The following POLR1A variants were observed in gnomAD, a reference collection of about 807,000 sequenced individuals.
POLR1A encodes the protein DNA-directed RNA polymerase I subunit RPA1.
In POLR1A, 84 loss-of-function variants were observed where a neutral mutation model predicts 205.3. The ratio of observed to expected loss-of-function variants is 0.41; its 90% CI spans 0.34 to 0.49. The LOEUF is 0.49. Among genes scored for constraint, POLR1A ranks in the 20% least tolerant of loss-of-function variants. The probability of loss-of-function intolerance (pLI) is 0.22; values close to 1 mark genes in which losing one functional copy is unlikely to be tolerated. For synonymous variants in POLR1A, 799 were observed against 863.7 expected, an observed-to-expected ratio of 0.93 and a Z score of 1.31; for missense variants, 1,645 against 2,204.5, an observed-to-expected ratio of 0.75 and a Z score of 5.08.
chr2:86,040,943 T>G (rs1176912721), intron 24 of POLR1A, among the ~76,000 whole-genome samples: 1 of 152,208 alleles, frequency 6.6e-6, no homozygotes, highest in Non-Finnish European at 1.5e-5. Flanking sequence ...TGGAGACAGT[T>G]TAAACCTCCT....
At chr2:86,060,748 C>T (rs1195020721) in intron 14 of POLR1A, among the ~76,000 whole-genome samples, 1 of 152,138 alleles carries the variant, frequency 6.6e-6, no homozygotes, top group Non-Finnish European at 1.5e-5. Flanking sequence ...TAGACGATAA[C>T]AGAGGGGAAT....
rs552233536 is a variant in POLR1A at position 86,052,802 on chromosome 2, G to A, written c.2392+15C>T. The A allele has an allele frequency of 1.3e-5, 20 of 1,490,432 alleles. No individual in the cohort carries two copies. Among genetic ancestry groups the A allele is most frequent in the Admixed American group, 4.5e-5 (2 of 44,914 alleles). 92.3% of individuals were successfully genotyped at this position (1,490,432 alleles called of 1,614,324 possible). ...TGACGGGTCACTGCCCCAGGGCAGCGAGCCCGGCACTTACCCAAGGTGAAG... is the reference window on the plus strand; with the variant it reads ...TGACGGGTCACTGCCCCAGGGCAGCAAGCCCGGCACTTACCCAAGGTGAAG... On this transcript the variant is annotated intron_variant, in intron 16 of 33. Coordinates refer to ENST00000263857, the MANE Select transcript of POLR1A (RefSeq NM_015425.6).
chr2:86,103,689 T>C (rs935552491), intron 1 of POLR1A, among the ~76,000 whole-genome samples: 3 of 152,336 alleles, frequency 2.0e-5, no homozygotes, highest in South Asian at 2.1e-4. Flanking sequence ...CATCCATTTA[T>C]TCAGACTTGA....
chr2:86,031,610 T>A lies in POLR1A; in HGVS notation c.4298A>T (p.Glu1433Val), dbSNP rs748613233. Reference protein sequence around the residue: ...EEVDYESEEEEEREGEENDDE... With the variant: ...EEVDYESEEEVEREGEENDDE... ...GTCGTTCTCCTCGCCCTCCCTCTCC[T>A]CCTCTTCCTCACTCTCATAATCAAC... The change falls in exon 30 of 34, where the codon GAG (glutamate) becomes GTG (valine). Residue 1433 changes from glutamate (E) to valine (V), a missense_variant. Around this residue, in one of 16 missense-constraint regions of POLR1A, gnomAD observed 394 missense variants for 468.5 expected, o/e 0.84. Coordinates refer to ENST00000263857, the MANE Select transcript of POLR1A (RefSeq NM_015425.6). 8 of 1,612,520 alleles carry A rather than the reference T, an allele frequency of 5.0e-6. No individual in the cohort carries two copies. The South Asian group carries it at 8.8e-5, about 18-fold the overall frequency.
chr2:86,079,505 A>G (rs1673357374), intron 9 of POLR1A, among the ~76,000 whole-genome samples: 1 of 152,142 alleles, frequency 6.6e-6, no homozygotes, highest in Admixed American at 6.5e-5. Context: ...GAATCAGAGG[A>G]TGCTATTTGC....
chr2:86,081,010 T>G (rs1262935351), intron 8 of POLR1A, 32 bp from the exon 9 acceptor site: 1 of 1,583,932 alleles, frequency 6.3e-7, no homozygotes, highest in East Asian at 2.2e-5. Context: ...AAATGAATGT[T>G]TAGTGTGAGG....
At chr2:86,093,606 T>TCTC (rs1673647937) in intron 3 of POLR1A, among the ~76,000 whole-genome samples, 1 of 152,118 alleles carries the variant, frequency 6.6e-6, no homozygotes, top group Admixed American at 6.6e-5. Flanking sequence ...GCCAGGTGGA[T>TCTC]CGCTTGAGGT....
In POLR1A at chr2:86,021,121, G is replaced by T. The variant is rs1349386051; in HGVS notation, c.*6302C>A. ...ACATCAGGTTCATGTTTCCAAGCAA[G>T]AATCATGGGTTGGGGAAGGCAAGTG... On this transcript the variant is annotated 3_prime_UTR_variant, in exon 34 of 34. Transcript: ENST00000263857. The T allele has an allele frequency of 6.6e-6, 1 of 152,236 alleles. No homozygotes were observed. Among genetic ancestry groups the T allele is most frequent in the African/African-American group, 2.4e-5 (1 of 41,450 alleles). 9.4% of individuals were successfully genotyped at this position (152,236 alleles called of 1,614,324 possible).
Position 86,046,903 on chromosome 2 carries a change from T to C in POLR1A, c.2733+262A>G, listed in dbSNP as rs184361459. On this transcript the variant is annotated intron_variant, in intron 19 of 33. Coordinates refer to ENST00000263857, the MANE Select transcript of POLR1A (RefSeq NM_015425.6). ...ATTGTGTGAGTATACATAATTTATC[T>C]ATATAACGTGAATATATGTAATAGT... Among the ~76,000 whole-genome samples, 16 of 152,342 alleles carry C rather than the reference T, an allele frequency of 1.1e-4. No homozygotes were observed. The East Asian group carries it at 2.9e-3, about 27-fold the overall frequency.
intron 2 of POLR1A, among the ~76,000 whole-genome samples, 183 bp from the exon 3 acceptor site, chr2:86,098,943 T>A (rs1396883340): frequency 6.6e-6 from 1 of 152,190 alleles, no homozygotes; most frequent in Non-Finnish European, 1.5e-5. Context: ...CCCTCTATTT[T>A]CTTTTAAGGT....
intron 8 of POLR1A, 120 bp downstream of exon 8, chr2:86,081,481 G>T: frequency 1.6e-6 from 1 of 626,018 alleles, no homozygotes; most frequent in Non-Finnish European, 2.8e-6. Flanking sequence ...ACCTGCACCT[G>T]GAGCGGAACT....
intron 24 of POLR1A, 74 bp downstream of exon 24, chr2:86,041,815 G>T: frequency 1.5e-6 from 2 of 1,297,768 alleles, no homozygotes; most frequent in Non-Finnish European, 1.1e-6. Context: ...GGAGTGAGTA[G>T]GGCAGGGGCT....
chr2:86,073,595 T>C (rs1673218992), intron 12 of POLR1A, among the ~76,000 whole-genome samples: 1 of 152,236 alleles, frequency 6.6e-6, no homozygotes, highest in Non-Finnish European at 1.5e-5. Flanking sequence ...TGTTTCTTCT[T>C]GGACATTATG....
At chr2:86,095,198 A>G (rs753736582) in intron 3 of POLR1A, among the ~76,000 whole-genome samples, 8 of 152,206 alleles carry the variant, frequency 5.3e-5, no homozygotes, top group Non-Finnish European at 7.3e-5. Flanking sequence ...TCTTTGGGGA[A>G]TCCCAGCTTG....
In POLR1A at chr2:86,049,260, C is replaced by G; in HGVS notation, c.2393-18G>C. 1 of 1,603,036 alleles carries G rather than the reference C, an allele frequency of 6.2e-7. No individual in the cohort carries two copies. Among genetic ancestry groups the G allele is most frequent in the Non-Finnish European group, 8.5e-7 (1 of 1,170,114 alleles). ...TTCCACGCCTGTGAAGTGAAACAGA[C>G]AAGCTTGTAGGCGACCTCAGGCCTG... On this transcript the variant is annotated intron_variant, in intron 16 of 33. Coordinates refer to ENST00000263857, the MANE Select transcript of POLR1A (RefSeq NM_015425.6).
chr2:86,053,908 CAGG>C (rs950260990), intron 15 of POLR1A, among the ~76,000 whole-genome samples: 59 of 152,330 alleles, frequency 3.9e-4, no homozygotes, highest in African/African-American at 1.3e-3. Context: ...AGCCTTTTTG[CAGG>C]AGAAGCTTTC....
Position 86,045,770 on chromosome 2 carries a change from C to A in POLR1A, c.2734-1G>T. 6.2e-7 allele frequency: 1 copy of A among 1,602,906 alleles called. No homozygotes were observed. On this transcript the variant is annotated splice_acceptor_variant, in intron 19 of 33. Coordinates refer to ENST00000263857, the MANE Select transcript of POLR1A (RefSeq NM_015425.6). LOFTEE classifies it high-confidence loss of function. ...CAATCTGGCCCAGCAGGCACGAGAT[C>A]TGGAGGACAGGAAATCCACAGGAAA...
intron 14 of POLR1A, among the ~76,000 whole-genome samples, chr2:86,061,284 T>C (rs958424420): frequency 6.6e-6 from 1 of 152,144 alleles, no homozygotes; most frequent in African/African-American, 2.4e-5. Context: ...CTGTCTCTAC[T>C]AAAAATACAA....
intron 16 of POLR1A, 75 bp downstream of exon 16, chr2:86,052,742 T>C (rs1208608581): frequency 1.6e-6 from 2 of 1,235,670 alleles, no homozygotes; most frequent in African/African-American, 3.1e-5. Context: ...CGGCTCTCTC[T>C]GTCCTGGGCC....
Sources: allele counts gnomAD v4.1 joint callset (sites outside exome capture counted in the v4.1 genomes callset), GRCh38; gene constraint gnomAD v4.1.1; regional missense constraint gnomAD v4.1.1; transcripts MANE v1.5; gene names NCBI Gene and HGNC (gene_info 2026-07-23, HGNC 2026-07-21).